Variants in FHOD3 observed in about 807,000 individuals in gnomAD.
FHOD3 encodes formin homology 2 domain containing 3, also known as FH1/FH2 domain-containing protein 3.
A neutral mutation model predicts 173.0 loss-of-function variants in FHOD3; 90 were observed. The ratio of observed to expected loss-of-function variants is 0.52; its 90% CI spans 0.44 to 0.62. The LOEUF (loss-of-function observed/expected upper bound fraction) is 0.62, where lower values mean the gene tolerates loss of function less well. Ranked by LOEUF, FHOD3 falls within the 20% of genes least tolerant of loss-of-function variation. FHOD3 has a pLI of 0.00. For synonymous variants in FHOD3, 828 were observed against 823.0 expected, an observed-to-expected ratio of 1.01 and a Z score of -0.10; for missense variants, 1,945 against 2,034.7, an observed-to-expected ratio of 0.96 and a Z score of 0.85.
At chr18:36,676,952 C>A (rs966702844) in intron 14 of FHOD3, among the ~76,000 whole-genome samples, 3 of 152,012 alleles carry the variant, frequency 2.0e-5, no homozygotes, top group Non-Finnish European at 2.9e-5. Context: ...GGTTGTTGCT[C>A]TTCTTTATTC....
rs182552959 is a variant in FHOD3, at chr18:36,765,058, A to T, written c.4625-4207A>T. 9.5e-4 allele frequency among the ~76,000 whole-genome samples: 144 copies of T among 152,278 alleles called. 3 individuals are homozygous for T. The highest frequency in any genetic ancestry group is 7.9e-4 in the Non-Finnish European group (54 of 68,004). ...GTATGAACTGGTACAAGAGATTGAA[A>T]TTGAGAGGAGGCTAAAATGCAGATG... On this transcript the variant is annotated intron_variant, in intron 27 of 28. Coordinates refer to ENST00000590592, the MANE Select transcript of FHOD3 (RefSeq NM_001281740.3).
chr18:36,324,584 A>G (rs2044570731), intron 1 of FHOD3, among the ~76,000 whole-genome samples: 1 of 152,236 alleles, frequency 6.6e-6, no homozygotes, highest in Admixed American at 6.5e-5. Context: ...AGAGACTTGA[A>G]TAGGTACTCC....
intron 5 of FHOD3, among the ~76,000 whole-genome samples, chr18:36,532,113 C>A (rs897977389): frequency 2.0e-5 from 3 of 152,184 alleles, no homozygotes; most frequent in South Asian, 2.1e-4. Context: ...TGGAGGAAAA[C>A]CCTAAGTTCC....
At chr18:36,366,324 G>T (rs1273791262) in intron 2 of FHOD3, among the ~76,000 whole-genome samples, 1 of 152,090 alleles carries the variant, frequency 6.6e-6, no homozygotes, top group Non-Finnish European at 1.5e-5. Flanking sequence ...CAGAAAGTGA[G>T]AATATTCAGA....
chr18:36,404,053 C>T (rs2048944805), intron 3 of FHOD3, among the ~76,000 whole-genome samples: 1 of 152,180 alleles, frequency 6.6e-6, no homozygotes. Context: ...AACTGAACTT[C>T]CCTGGTTTAG....
intron 1 of FHOD3, among the ~76,000 whole-genome samples, chr18:36,328,868 C>A (rs1184844708): frequency 6.6e-6 from 1 of 152,110 alleles, no homozygotes; most frequent in African/African-American, 2.4e-5. Flanking sequence ...CAATGAGGAC[C>A]TCATTTTGTG....
At chr18:36,666,140 C>T (rs886868232) in intron 14 of FHOD3, among the ~76,000 whole-genome samples, 3 of 152,230 alleles carry the variant, frequency 2.0e-5, no homozygotes, top group African/African-American at 7.2e-5. Context: ...GACCAGTCTC[C>T]ACAGCACACT....
At chr18:36,494,814 C>G (rs931114794) in intron 3 of FHOD3, among the ~76,000 whole-genome samples, 4 of 152,126 alleles carry the variant, frequency 2.6e-5, no homozygotes, top group Admixed American at 2.0e-4. Flanking sequence ...GATCTCAGCC[C>G]CCATTTCTGC....
At chr18:36,442,610 G>A (rs1283118336) in intron 3 of FHOD3, among the ~76,000 whole-genome samples, 1 of 152,098 alleles carries the variant, frequency 6.6e-6, no homozygotes, top group Admixed American at 6.5e-5. Flanking sequence ...TTCATTTGAG[G>A]TAATTGCAGA....
intron 17 of FHOD3, among the ~76,000 whole-genome samples, chr18:36,701,090 T>A (rs893410743): frequency 4.6e-5 from 7 of 152,196 alleles, no homozygotes; most frequent in African/African-American, 1.7e-4. Context: ...TCCCAGTGCT[T>A]GGAGCAGAAC....
intron 1 of FHOD3, among the ~76,000 whole-genome samples, chr18:36,330,599 C>G (rs561172625): frequency 7.5e-6 from 1 of 133,138 alleles, no homozygotes; most frequent in Admixed American, 6.9e-5. Context: ...GCTGACCATC[C>G]GTCATTTTGC....
At chr18:36,497,167 A>G (rs918022750) in intron 3 of FHOD3, among the ~76,000 whole-genome samples, 1 of 152,348 alleles carries the variant, frequency 6.6e-6, no homozygotes. Context: ...ACAAATGACT[A>G]TAAAGGTTTT....
At chr18:36,560,082 G>A (rs1325087390) in intron 5 of FHOD3, among the ~76,000 whole-genome samples, 1 of 152,162 alleles carries the variant, frequency 6.6e-6, no homozygotes, top group Non-Finnish European at 1.5e-5. Context: ...CCGTCCTTGG[G>A]CACCCAGAGT....
chr18:36,640,860 G>A lies in FHOD3; in HGVS notation c.1197-8456G>A, dbSNP rs1036751913. On this transcript the variant is annotated intron_variant, in intron 10 of 28. Coordinates refer to ENST00000590592, the MANE Select transcript of FHOD3 (RefSeq NM_001281740.3). ...TCAGGAACCGTGCTTCGAAGGAACC[G>A]TGCAGTGATGAAAACAGTTTAGATT... 8.5e-5 allele frequency among the ~76,000 whole-genome samples: 13 copies of A among 152,244 alleles called. 1 individual carries two copies. Among genetic ancestry groups the A allele is most frequent in the Admixed American group, 3.9e-4 (6 of 15,292 alleles).
intron 9 of FHOD3, among the ~76,000 whole-genome samples, chr18:36,614,289 A>G (rs1456644617): frequency 6.6e-6 from 1 of 152,130 alleles, no homozygotes; most frequent in East Asian, 1.9e-4. Context: ...GCTTTCACTT[A>G]GCGTGTTTTC....
At position 36,752,167 on chromosome 18, in the gene FHOD3, TATGATTCA is replaced by T. The variant is rs2042429589; in HGVS notation, c.4233-2949_4233-2942del. Among the ~76,000 whole-genome samples the T allele has an allele frequency of 3.3e-5, 5 of 152,272 alleles. No individual in the cohort carries two copies. In the South Asian group the frequency reaches 1.0e-3, roughly 32 times the overall value. On this transcript the variant is annotated intron_variant, in intron 24 of 28. Coordinates refer to ENST00000590592, the MANE Select transcript of FHOD3 (RefSeq NM_001281740.3). ...GAACAGGATGGGGGATACCGCCCCC[TATGATTCA>T]ATTGTTTCCACCTGGTCCCTAAACA...
chr18:36,531,100 T>C lies in FHOD3; in HGVS notation c.511+18557T>C, dbSNP rs146354823. ...AGAGGCCTCCTACTCTAACCTCATT[T>C]TGCACATAGGGAAATTGAGGTCTAG... On this transcript the variant is annotated intron_variant, in intron 5 of 28. Transcript: ENST00000590592. Among the ~76,000 whole-genome samples, 788 of 152,302 alleles carry C rather than the reference T, an allele frequency of 5.2e-3. 3 individuals carry two copies. Among genetic ancestry groups the C allele is most frequent in the African/African-American group, 0.018 (741 of 41,552 alleles).
intron 25 of FHOD3, among the ~76,000 whole-genome samples, chr18:36,758,760 A>G (rs2042739468): frequency 6.6e-6 from 1 of 152,196 alleles, no homozygotes; most frequent in Admixed American, 6.5e-5. Context: ...GCCAAGCCAT[A>G]TGGTTCACAG....
At chr18:36,355,739 G>A in intron 2 of FHOD3, 94 bp downstream of exon 2, 2 of 977,404 alleles carry the variant, frequency 2.0e-6, no homozygotes, top group South Asian at 3.0e-5. Flanking sequence ...AACTACCATG[G>A]CTTTGACCTT....
Sources: gnomAD v4.1 joint callset for allele counts (sites outside exome capture counted in the v4.1 genomes callset) on GRCh38, gnomAD v4.1.1 for gene constraint, MANE v1.5 for transcripts, NCBI Gene and HGNC (gene_info 2026-07-23, HGNC 2026-07-21) for gene names.